Variants in LIFR observed in about 807,000 individuals in gnomAD.
The protein encoded by LIFR is leukemia inhibitory factor receptor.
Under a neutral mutation model 122.2 loss-of-function variants are expected in LIFR, and 84 were observed. The observed-to-expected ratio is 0.69, with a 90% CI of 0.58 to 0.82. LIFR has a LOEUF of 0.82. LIFR is among the 40% of genes least tolerant of loss of function. The probability of loss-of-function intolerance (pLI) is 0.00; values close to 1 mark genes in which losing one functional copy is unlikely to be tolerated. For synonymous variants in LIFR, 422 were observed against 434.7 expected, an observed-to-expected ratio of 0.97 and a Z score of 0.36; for missense variants, 1,294 against 1,311.6, an observed-to-expected ratio of 0.99 and a Z score of 0.21.
At chr5:38,544,378 G>A (rs1352060164) in intron 1 of LIFR, among the ~76,000 whole-genome samples, 3 of 151,966 alleles carry the variant, frequency 2.0e-5, no homozygotes, top group Admixed American at 6.6e-5. Flanking sequence ...TTTGGTCACC[G>A]GCTTCCAGTC....
At position 38,526,415 on chromosome 5, in the gene LIFR, CTGTGTG is replaced by C. The variant is rs34077685; in HGVS notation, c.397+734_397+739del. Among the ~76,000 whole-genome samples the C allele has an allele frequency of 2.7e-3, 401 of 148,048 alleles. 5 individuals carry two copies. The highest frequency in any genetic ancestry group is 7.2e-3 in the Middle Eastern group (2 of 276). On this transcript the variant is annotated intron_variant, in intron 4 of 19. Coordinates refer to ENST00000453190, the MANE Select transcript of LIFR (RefSeq NM_001127671.2). ...TTACACATGGTAAGTACAAACTTTA[CTGTGTG>C]TGTGTGTGTGTGTGTGTGTGTATAT...
intron 2 of LIFR, among the ~76,000 whole-genome samples, chr5:38,603,349 TG>T (rs1750258462): frequency 2.0e-5 from 3 of 152,230 alleles, no homozygotes. Context: ...CGCTGGTAAC[TG>T]AGATACCTTC....
chr5:38,574,384 G>A (rs1749316238), intron 1 of LIFR, among the ~76,000 whole-genome samples: 1 of 152,160 alleles, frequency 6.6e-6, no homozygotes, highest in Non-Finnish European at 1.5e-5. Flanking sequence ...GGACTGGTTA[G>A]ATTCCGTGAT....
chr5:38,604,855 C>T (rs1750294185), intron 2 of LIFR, among the ~76,000 whole-genome samples: 1 of 152,148 alleles, frequency 6.6e-6, no homozygotes, highest in Non-Finnish European at 1.5e-5. Flanking sequence ...TCACTCAATA[C>T]ATGTAAGATT....
intron 18 of LIFR, among the ~76,000 whole-genome samples, chr5:38,483,787 T>C (rs940035762): frequency 6.6e-6 from 1 of 152,232 alleles, no homozygotes. Context: ...CAAAATAGAC[T>C]ATTCTATAGT....
At chr5:38,538,740 C>G (rs781039459) in intron 1 of LIFR, among the ~76,000 whole-genome samples, 1 of 152,196 alleles carries the variant, frequency 6.6e-6, no homozygotes, top group Non-Finnish European at 1.5e-5. Flanking sequence ...ATTTACAACC[C>G]TCTGGCAAGG....
At position 38,481,740 on chromosome 5, in the gene LIFR, C is replaced by G. The variant is rs1420794475; in HGVS notation, c.3149G>C (p.Ser1050Thr). The G allele has an allele frequency of 9.3e-6, 15 of 1,613,990 alleles. No individual in the cohort carries two copies. Among genetic ancestry groups the G allele is most frequent in the African/African-American group, 1.3e-5 (1 of 74,906 alleles). ...TCCAAATGAGACAATCTCACTGTTGCTGTCTATGGATCTAGGAGAGTCTGG... is the reference window on the plus strand; with the variant it reads ...TCCAAATGAGACAATCTCACTGTTGGTGTCTATGGATCTAGGAGAGTCTGG... ...VSPDSPRSIDSNSEIVSFGSP... is the reference protein window; with the variant it reads ...VSPDSPRSIDTNSEIVSFGSP... Residue 1050 changes from serine (S) to threonine (T), a missense_variant, in exon 20 of 20, where the codon AGC becomes ACC. Coordinates refer to ENST00000453190, the MANE Select transcript of LIFR (RefSeq NM_001127671.2).
intron 1 of LIFR, among the ~76,000 whole-genome samples, chr5:38,575,513 C>T (rs757039298): frequency 1.3e-5 from 2 of 152,000 alleles, no homozygotes; most frequent in African/African-American, 2.4e-5. Flanking sequence ...CACCGTTTGC[C>T]CAGAGAGAGC....
rs575907434 is a variant in LIFR at position 38,480,543 on chromosome 5, T to A, written c.*1052A>T. On this transcript the variant is annotated 3_prime_UTR_variant, in exon 20 of 20. Transcript: ENST00000453190. ...TAATGTGGCATGATGAAAAGACTCATGAGTGGGAGGAACATCCACCAGAAG... is the reference window on the plus strand; with the variant it reads ...TAATGTGGCATGATGAAAAGACTCAAGAGTGGGAGGAACATCCACCAGAAG... 4.6e-5 allele frequency: 10 copies of A among 217,962 alleles called. No homozygotes were observed. The highest frequency in any genetic ancestry group is 8.3e-5 in the Non-Finnish European group (9 of 108,368). 13.5% of individuals were successfully genotyped at this position (217,962 alleles called of 1,614,324 possible).
rs201849705 is a variant in LIFR at position 38,550,298 on chromosome 5, GA to G, written c.-20+6035del. ...GCTGAGCTATTGATAAAGCACAACT[GA>G]AAAAAAAACAGGGAAAAATTCAAAC... On this transcript the variant is annotated intron_variant, in intron 1 of 19. Coordinates refer to ENST00000453190, the MANE Select transcript of LIFR (RefSeq NM_001127671.2). 77 of 832,708 alleles carry G rather than the reference GA, an allele frequency of 9.2e-5. 1 individual carries two copies. The East Asian group carries it at 2.7e-3, about 30-fold the overall frequency. The allele number at this position is 832,708 out of a possible 1,614,324, so 51.6% of individuals were successfully genotyped here. A position where few individuals can be genotyped will look rare whatever the true frequency, so the allele number is the denominator to read the frequency against.
upstream of LIFR, among the ~76,000 whole-genome samples, chr5:38,560,570 ATTTTGTTTTG>A (rs548740090): frequency 7.3e-3 from 1,094 of 150,302 alleles, 6 homozygotes; most frequent in Non-Finnish European, 0.011. Flanking sequence ...ACAGGATTGC[ATTTTGTTTTG>A]TTTTGTTTTG....
At chr5:38,519,580 C>T (rs1455507626) in intron 5 of LIFR, among the ~76,000 whole-genome samples, 1 of 152,152 alleles carries the variant, frequency 6.6e-6, no homozygotes, top group Non-Finnish European at 1.5e-5. Flanking sequence ...TACATTTGTA[C>T]CCATTCACCA....
In LIFR at chr5:38,481,656, G is replaced by T. The variant is rs1320445580; in HGVS notation, c.3233C>A (p.Pro1078His). ...FLIPPKDEDS[P>H]KSNGGGWSFT... Reference sequence around the variant, plus strand: ...GGACCACCCTCCTCCATTAGATTTAGGAGAGTCTTCATCTTTAGGAGGAAT... The same window carrying T: ...GGACCACCCTCCTCCATTAGATTTATGAGAGTCTTCATCTTTAGGAGGAAT... Residue 1078 changes from proline to histidine, a missense_variant, in exon 20 of 20, where the codon CCT becomes CAT. By Grantham distance (77) the Pro-to-His change is moderately conservative. Coordinates refer to ENST00000453190, the MANE Select transcript of LIFR (RefSeq NM_001127671.2). 1 of 1,614,028 alleles carries T rather than the reference G, an allele frequency of 6.2e-7. No individual in the cohort carries two copies. The highest frequency in any genetic ancestry group is 1.3e-5 in the African/African-American group (1 of 74,916).
chr5:38,534,862 G>T (rs1477138798), intron 1 of LIFR, among the ~76,000 whole-genome samples: 3 of 152,170 alleles, frequency 2.0e-5, no homozygotes, highest in Non-Finnish European at 2.9e-5. Flanking sequence ...AAATATTCTT[G>T]AGAAGGGGAG....
chr5:38,506,309 T>C (rs1363719361), intron 8 of LIFR, among the ~76,000 whole-genome samples, 194 bp downstream of exon 8: 1 of 152,202 alleles, frequency 6.6e-6, no homozygotes, highest in Non-Finnish European at 1.5e-5. Context: ...CATTCTAAGC[T>C]TCTTAAAAGA....
rs181854618 is a variant in LIFR, at chr5:38,505,599, T to C, written c.1291+306A>G. ...AGGGGATGGGTTCACAAGGCTCTTATTATTGTAACTACCAGTGAGTCAACA... is the reference window on the plus strand; with the variant it reads ...AGGGGATGGGTTCACAAGGCTCTTACTATTGTAACTACCAGTGAGTCAACA... On this transcript the variant is annotated intron_variant, in intron 9 of 19. Transcript: ENST00000453190. 1.1e-3 allele frequency among the ~76,000 whole-genome samples: 169 copies of C among 152,306 alleles called. 2 individuals carry two copies. Among genetic ancestry groups the C allele is most frequent in the African/African-American group, 3.9e-3 (164 of 41,568 alleles).
chr5:38,589,423 AT>A (rs1396970927), intron 1 of LIFR, among the ~76,000 whole-genome samples: 2 of 152,200 alleles, frequency 1.3e-5, no homozygotes, highest in Non-Finnish European at 1.5e-5. Context: ...TATTAAAAAA[AT>A]AAAATGGATG....
chr5:38,570,642 C>T (rs948619948), intron 1 of LIFR, among the ~76,000 whole-genome samples: 3 of 152,068 alleles, frequency 2.0e-5, no homozygotes, highest in African/African-American at 7.2e-5. Flanking sequence ...TTAGAGTTCA[C>T]CTATCGCAGG....
chr5:38,608,153 A>C (rs983537654), exon 1 of LIFR: 1 of 152,172 alleles, frequency 6.6e-6, no homozygotes, highest in African/African-American at 2.4e-5. Flanking sequence ...GCAACTCACC[A>C]CAAGAATCTC....
Sources: allele counts gnomAD v4.1 joint callset (sites outside exome capture counted in the v4.1 genomes callset), GRCh38; gene constraint gnomAD v4.1.1; transcripts MANE v1.5; gene names NCBI Gene and HGNC (gene_info 2026-07-23, HGNC 2026-07-21).